NBEA: variants seen among roughly 807,000 people sequenced by gnomAD.
NBEA encodes lysosomal-trafficking regulator 2.
Under a neutral mutation model 343.4 loss-of-function variants are expected in NBEA, and 44 were observed. That is an observed-to-expected ratio of 0.13 (90% CI 0.10 to 0.16). NBEA has a LOEUF of 0.16. Among genes scored for constraint, NBEA ranks in the 10% least tolerant of loss-of-function variants. NBEA has a pLI of 1.00. For synonymous variants in NBEA, 1,175 were observed against 1,238.7 expected (o/e 0.95, Z 1.08); for missense variants, 2,555 against 3,631.3 (o/e 0.70, Z 7.62).
chr13:35,589,839 G>A (rs537431852), intron 46 of NBEA, among the ~76,000 whole-genome samples: 1 of 152,176 alleles, frequency 6.6e-6, no homozygotes, highest in Admixed American at 6.6e-5. Context: ...CACTGAAAAA[G>A]GGTTGGAAGA....
intron 35 of NBEA, among the ~76,000 whole-genome samples, chr13:35,303,818 T>C (rs991434889): frequency 2.5e-4 from 38 of 152,152 alleles, no homozygotes; most frequent in Admixed American, 9.8e-4. Flanking sequence ...TCTCTGAGCA[T>C]CCTGTCCATT....
chr13:35,218,121 T>C (rs1415022030), intron 33 of NBEA, among the ~76,000 whole-genome samples: 1 of 152,088 alleles, frequency 6.6e-6, no homozygotes, highest in Non-Finnish European at 1.5e-5. Context: ...GGAGCTCACC[T>C]CATTGGTTTC....
chr13:35,224,310 G>T (rs1006606238), intron 33 of NBEA, among the ~76,000 whole-genome samples: 3 of 151,996 alleles, frequency 2.0e-5, no homozygotes, highest in Admixed American at 1.3e-4. Flanking sequence ...TATGGTTTAG[G>T]TATCTTTGTG....
At chr13:35,141,867 A>G (rs2068111113) in intron 17 of NBEA, among the ~76,000 whole-genome samples, 1 of 152,234 alleles carries the variant, frequency 6.6e-6, no homozygotes, top group Non-Finnish European at 1.5e-5. Context: ...AAGGTTTGTT[A>G]CAGCCTATGT....
rs183797311 is a variant in NBEA at position 35,632,748 on chromosome 13, C to T, written c.7617+4500C>T. On this transcript the variant is annotated intron_variant, in intron 49 of 58. Coordinates refer to ENST00000379939, the MANE Select transcript of NBEA (RefSeq NM_001385012.1). ...AACTGAGATTATAGACACCCACAAC[C>T]GCACCTGGCTAATTTTTGTATTTTT... Among the ~76,000 whole-genome samples the T allele has an allele frequency of 3.3e-3, 505 of 152,110 alleles. 1 individual carries two copies. Among genetic ancestry groups the T allele is most frequent in the South Asian group, 6.0e-3 (29 of 4,808 alleles).
chr13:34,968,024 A>C (rs2059880210), intron 1 of NBEA, among the ~76,000 whole-genome samples: 1 of 152,092 alleles, frequency 6.6e-6, no homozygotes, highest in African/African-American at 2.4e-5. Context: ...GGTTCCCACA[A>C]CTTCCCTCAG....
intron 38 of NBEA, among the ~76,000 whole-genome samples, chr13:35,422,247 AT>A (rs1184579492): frequency 6.6e-6 from 1 of 151,040 alleles, no homozygotes; most frequent in Non-Finnish European, 1.5e-5. Flanking sequence ...TGCTGCACCC[AT>A]TAACTCGTCA....
chr13:35,157,165 C>A lies in NBEA; in HGVS notation c.2739C>A (p.Thr913=). 6.2e-7 allele frequency: 1 copy of A among 1,609,398 alleles called. No homozygotes were observed. The highest frequency in any genetic ancestry group is 8.5e-7 in the Non-Finnish European group (1 of 1,177,464). The change falls in exon 21 of 59, where the codon ACC becomes ACA. Residue 913 remains threonine (T), a synonymous_variant. Transcript: ENST00000379939. The part of the protein sequence containing the change: ...NPKNSEEQKI[T]EMVYNIFRIL... The stretch of plus-strand genomic sequence containing the variant: ...AAAATTCTGAGGAACAGAAGATTAC[C>A]GAAATGGTCTACAATATCTTCCGGA...
At chr13:35,316,953 T>A (rs543042009) in intron 36 of NBEA, among the ~76,000 whole-genome samples, 1 of 151,882 alleles carries the variant, frequency 6.6e-6, no homozygotes, top group Non-Finnish European at 1.5e-5. Context: ...TTTTGATGGG[T>A]TTTTTTGTTT....
chr13:35,583,273 G>T (rs2081138525), intron 45 of NBEA, among the ~76,000 whole-genome samples: 1 of 152,182 alleles, frequency 6.6e-6, no homozygotes, highest in Admixed American at 6.5e-5. Flanking sequence ...TAGGGTGGTG[G>T]TACTGATAGG....
At chr13:35,396,870 C>T (rs950691810) in intron 38 of NBEA, among the ~76,000 whole-genome samples, 2 of 152,126 alleles carry the variant, frequency 1.3e-5, no homozygotes, top group Non-Finnish European at 2.9e-5. Flanking sequence ...CCTCCAGTAA[C>T]CTTCCCTGTG....
intron 1 of NBEA, among the ~76,000 whole-genome samples, chr13:34,944,822 GCTTA>G (rs1295415834): frequency 6.6e-6 from 1 of 152,114 alleles, no homozygotes; most frequent in Non-Finnish European, 1.5e-5. Context: ...GTATTCCTAT[GCTTA>G]CTTAATACAT....
At chr13:35,276,036 G>C (rs1011395292) in intron 34 of NBEA, among the ~76,000 whole-genome samples, 1 of 152,086 alleles carries the variant, frequency 6.6e-6, no homozygotes, top group African/African-American at 2.4e-5. Context: ...CCCAAAAGTT[G>C]TAGATGGCAT....
chr13:35,409,398 C>T (rs2152915311), intron 38 of NBEA, among the ~76,000 whole-genome samples: 1 of 151,942 alleles, frequency 6.6e-6, no homozygotes, highest in Admixed American at 6.6e-5. Flanking sequence ...GGGTACTAGG[C>T]TTAATACTTG....
intron 1 of NBEA, among the ~76,000 whole-genome samples, chr13:34,966,796 A>T (rs2059834772): frequency 6.6e-6 from 1 of 151,936 alleles, no homozygotes; most frequent in Non-Finnish European, 1.5e-5. Flanking sequence ...TGTTTCTGCT[A>T]CTATACTGCA....
chr13:35,398,111 T>C (rs2042830153), intron 38 of NBEA, among the ~76,000 whole-genome samples: 1 of 152,180 alleles, frequency 6.6e-6, no homozygotes, highest in Non-Finnish European at 1.5e-5. Flanking sequence ...TCAATAATGT[T>C]CACAGCATCT....
chr13:35,259,822 A>G (rs943849911), intron 34 of NBEA, among the ~76,000 whole-genome samples: 2 of 152,174 alleles, frequency 1.3e-5, no homozygotes, highest in African/African-American at 4.8e-5. Context: ...TGGGTTCTCA[A>G]ATGGTCAAGA....
At position 35,123,495 on chromosome 13, in the gene NBEA, T is replaced by G; in HGVS notation, c.2257T>G (p.Leu753Val). 1 of 1,512,320 alleles carries G rather than the reference T, an allele frequency of 6.6e-7. No individual in the cohort carries two copies. The highest frequency in any genetic ancestry group is 2.4e-5 in the East Asian group (1 of 41,898). 93.7% of individuals were successfully genotyped at this position (1,512,320 alleles called of 1,614,324 possible). Residue 753 changes from leucine (L) to valine (V), a missense_variant, in exon 17 of 59, where the codon TTA (leucine) becomes GTA (valine). Physicochemically the swap from Leu to Val is conservative, Grantham distance 32 (BLOSUM62 1). Around this residue, in one of 21 missense-constraint regions of NBEA, gnomAD observed 360 missense variants for 519.1 expected, o/e 0.69. Coordinates refer to ENST00000379939, the MANE Select transcript of NBEA (RefSeq NM_001385012.1). ...QRNGIRVIYK[L>V]LASKSESIWV... is the part of the protein sequence containing the mutation. Reference sequence around the variant, plus strand: ...TATATTTTGTAGGGTGATCTACAAATTATTGGCTTCTAAAAGTGAAAGTAT... The same window carrying G: ...TATATTTTGTAGGGTGATCTACAAAGTATTGGCTTCTAAAAGTGAAAGTAT...
At chr13:34,998,704 A>G (rs1035807887) in intron 1 of NBEA, among the ~76,000 whole-genome samples, 2 of 152,038 alleles carry the variant, frequency 1.3e-5, no homozygotes, top group African/African-American at 2.4e-5. Context: ...TTCCCTGAAC[A>G]TTGCTGTTAT....
Sources: gnomAD v4.1 joint callset for allele counts (sites outside exome capture counted in the v4.1 genomes callset) on GRCh38, gnomAD v4.1.1 for gene constraint, gnomAD v4.1.1 regional missense constraint, MANE v1.5 for transcripts, NCBI Gene and HGNC (gene_info 2026-07-23, HGNC 2026-07-21) for gene names.